The following STRN3 variants were observed in gnomAD, a reference collection of about 807,000 sequenced individuals.
The protein encoded by STRN3 is striatin-3.
STRN3 carries 29 observed loss-of-function variants against 95.6 expected under a neutral mutation model. The ratio of observed to expected loss-of-function variants is 0.30; its 90% CI spans 0.23 to 0.41. The LOEUF is 0.41. Among genes scored for constraint, STRN3 ranks in the 10% least tolerant of loss-of-function variants. STRN3 has a pLI of 1.00. For synonymous variants in STRN3, 331 were observed against 357.6 expected (o/e 0.93, Z 0.84); for missense variants, 890 against 972.1 (o/e 0.92, Z 1.12).
intron 1 of STRN3, among the ~76,000 whole-genome samples, chr14:31,020,900 T>C (rs1297698102): frequency 6.6e-6 from 1 of 151,130 alleles, no homozygotes; most frequent in Non-Finnish European, 1.5e-5. Flanking sequence ...AGTAGGACGC[T>C]CTCTTGAAAA....
At chr14:30,989,402 AGTAGATTGGGAGGTAGC>A (rs1881842522) in intron 1 of STRN3, among the ~76,000 whole-genome samples, 1 of 152,184 alleles carries the variant, frequency 6.6e-6, no homozygotes, top group African/African-American at 2.4e-5. Flanking sequence ...CTCCAAAGGT[AGTAGATTGGGAGGTAGC>A]GAGACAGCAG....
rs1017609433 is a variant in STRN3 at position 31,019,084 on chromosome 14, G to A, written c.282+6820C>T. On this transcript the variant is annotated intron_variant, in intron 1 of 17. Transcript: ENST00000357479. ...CAGCACTCCTGAGATGCCAAGGTAG[G>A]AGGACTACTTGAGGCCATGATCTCA... Among the ~76,000 whole-genome samples the A allele has an allele frequency of 4.6e-5, 7 of 152,152 alleles. No homozygotes were observed. In the South Asian group the frequency reaches 8.3e-4, roughly 18 times the overall value.
chr14:30,904,927 A>C (rs1226956181), intron 15 of STRN3, among the ~76,000 whole-genome samples: 1 of 151,814 alleles, frequency 6.6e-6, no homozygotes, highest in Non-Finnish European at 1.5e-5. Flanking sequence ...GACTGTCGGA[A>C]ACTTGACAAG....
chr14:30,975,253 G>A (rs1302520703), intron 1 of STRN3, among the ~76,000 whole-genome samples: 1 of 151,218 alleles, frequency 6.6e-6, no homozygotes, highest in East Asian at 1.9e-4. Context: ...GGCATTTGCA[G>A]CAATCTGGAT....
Position 31,026,320 on chromosome 14 carries a change from C to CCTGCCGTGGGTCAGAGCAGGGAG in STRN3, c.-158_-136dup. 1 of 981,538 alleles carries CCTGCCGTGGGTCAGAGCAGGGAG rather than the reference C, an allele frequency of 1.0e-6. No individual in the cohort carries two copies. The highest frequency in any genetic ancestry group is 1.4e-6 in the Non-Finnish European group (1 of 730,078). 60.8% of individuals were successfully genotyped at this position (981,538 alleles called of 1,614,324 possible). ...GCGGGGAAGGGGTCGTTGCTGTGTG[C>CCTGCCGTGGGTCAGAGCAGGGAG]CTGCCGTGGGTCAGAGCAGGGAGCT... On this transcript the variant is annotated 5_prime_UTR_variant, in exon 1 of 18. Coordinates refer to ENST00000357479, the MANE Select transcript of STRN3 (RefSeq NM_001083893.2).
At chr14:30,987,653 A>G (rs1376546285) in intron 1 of STRN3, among the ~76,000 whole-genome samples, 1 of 152,130 alleles carries the variant, frequency 6.6e-6, no homozygotes, top group Non-Finnish European at 1.5e-5. Flanking sequence ...CAATAAAATA[A>G]TCAATATTTG....
chr14:30,942,076 AT>A (rs1405287049), intron 5 of STRN3, among the ~76,000 whole-genome samples: 63 of 152,118 alleles, frequency 4.1e-4, no homozygotes, highest in African/African-American at 1.4e-3. Context: ...TCACTCTCAA[AT>A]GCACTTATGT....
At chr14:31,003,962 G>A (rs1471702741) in intron 1 of STRN3, among the ~76,000 whole-genome samples, 1 of 151,548 alleles carries the variant, frequency 6.6e-6, no homozygotes, top group Non-Finnish European at 1.5e-5. Flanking sequence ...AGACCAGCCT[G>A]GACAACAGAG....
intron 1 of STRN3, among the ~76,000 whole-genome samples, chr14:31,009,024 A>G (rs559210042): frequency 1.3e-5 from 2 of 152,110 alleles, no homozygotes; most frequent in Admixed American, 6.5e-5. Context: ...GGGAAACAGA[A>G]AGAGACCCTC....
intron 1 of STRN3, chr14:31,025,701 A>G: frequency 4.0e-6 from 3 of 758,128 alleles, no homozygotes; most frequent in Non-Finnish European, 6.1e-6. Context: ...TAGCCAGTGA[A>G]GGTTGGGGAG....
intron 13 of STRN3, among the ~76,000 whole-genome samples, chr14:30,908,989 T>A (rs1285768810): frequency 6.6e-6 from 1 of 152,228 alleles, no homozygotes; most frequent in Non-Finnish European, 1.5e-5. Flanking sequence ...CCATCTTAAA[T>A]CTCCTCACAC....
intron 5 of STRN3, among the ~76,000 whole-genome samples, chr14:30,939,657 T>A (rs1878997665): frequency 6.6e-6 from 1 of 152,130 alleles, no homozygotes; most frequent in Non-Finnish European, 1.5e-5. Context: ...TCTAAATAAA[T>A]TGACAAGGCA....
At chr14:30,949,351 A>G (rs1879524093) in intron 4 of STRN3, among the ~76,000 whole-genome samples, 1 of 152,202 alleles carries the variant, frequency 6.6e-6, no homozygotes, top group East Asian at 1.9e-4. Flanking sequence ...GGTGGCTCAC[A>G]CCTGTAATCC....
intron 10 of STRN3, among the ~76,000 whole-genome samples, chr14:30,913,062 TC>T (rs1896650785): frequency 6.6e-6 from 1 of 152,068 alleles, no homozygotes; most frequent in African/African-American, 2.4e-5. Context: ...TCCCCAATCC[TC>T]TAATGAAGGA....
At chr14:30,895,624 T>G in intron 17 of STRN3, 38 bp downstream of exon 17, 1 of 1,610,580 alleles carries the variant, frequency 6.2e-7, no homozygotes, top group Non-Finnish European at 8.5e-7. Flanking sequence ...AACAATCTTT[T>G]ATAAAGTTTG....
At chr14:30,967,372 G>T (rs1294630609) in intron 1 of STRN3, among the ~76,000 whole-genome samples, 1 of 152,080 alleles carries the variant, frequency 6.6e-6, no homozygotes, top group Non-Finnish European at 1.5e-5. Context: ...CAGAGAAAGA[G>T]AAAAATAGTA....
At chr14:30,910,487 A>T (rs568614581) in intron 13 of STRN3, among the ~76,000 whole-genome samples, 148 of 152,280 alleles carry the variant, frequency 9.7e-4, no homozygotes, top group African/African-American at 3.4e-3. Context: ...GTGCCCTTAC[A>T]AATATATTTG....
At chr14:30,906,156 ACTAT>A (rs1343335228) in intron 14 of STRN3, among the ~76,000 whole-genome samples, 1 of 152,248 alleles carries the variant, frequency 6.6e-6, no homozygotes, top group Admixed American at 6.5e-5. Context: ...CAAGCTATTA[ACTAT>A]CTAGATGAAG....
intron 8 of STRN3, among the ~76,000 whole-genome samples, chr14:30,927,055 A>G (rs1265308529): frequency 1.3e-5 from 2 of 152,190 alleles, no homozygotes; most frequent in Non-Finnish European, 2.9e-5. Context: ...TATAATCTTA[A>G]CACTCTGAAA....
Sources: gnomAD v4.1 joint callset for allele counts (sites outside exome capture counted in the v4.1 genomes callset) on GRCh38, gnomAD v4.1.1 for gene constraint, MANE v1.5 for transcripts, NCBI Gene and HGNC (gene_info 2026-07-23, HGNC 2026-07-21) for gene names.